Variants in ATP2B2 observed in about 807,000 individuals in gnomAD.
The protein encoded by ATP2B2 is plasma membrane calcium-transporting ATPase 2.
In ATP2B2, 15 loss-of-function variants were observed where a neutral mutation model predicts 120.0. The observed-to-expected ratio is 0.12, with a 90% CI of 0.08 to 0.19. ATP2B2 has a LOEUF of 0.19. Ranked by LOEUF, ATP2B2 falls within the 10% of genes least tolerant of loss-of-function variation. The probability of loss-of-function intolerance (pLI) is 1.00; values close to 1 mark genes in which losing one functional copy is unlikely to be tolerated. For missense variants in ATP2B2, 1,045 were observed against 1,719.8 expected (o/e 0.61, Z 6.94); for synonymous variants, 694 against 700.3 (o/e 0.99, Z 0.14).
Position 10,471,748 on chromosome 3 carries a change from C to G in ATP2B2, c.-319-21886G>C, listed in dbSNP as rs557358386. 2.0e-5 allele frequency among the ~76,000 whole-genome samples: 3 copies of G among 151,976 alleles called. 1 individual carries two copies. In the South Asian group the frequency reaches 6.3e-4, roughly 32 times the overall value. Reference sequence around the variant, plus strand: ...TGTATACATCAAAGCATCATATTGTCCCCCATAAATGTATACAATTATGAT... The same window carrying G: ...TGTATACATCAAAGCATCATATTGTGCCCCATAAATGTATACAATTATGAT... On this transcript the variant is annotated intron_variant, in intron 1 of 22. Coordinates refer to ENST00000360273, the MANE Select transcript of ATP2B2 (RefSeq NM_001001331.4).
chr3:10,530,283 TC>T (rs1345085985), intron 3 of ATP2B2, among the ~76,000 whole-genome samples: 5 of 152,196 alleles, frequency 3.3e-5, no homozygotes, highest in Non-Finnish European at 5.9e-5. Context: ...TATTTTCTCT[TC>T]CATCGAATCC....
Position 10,492,793 on chromosome 3 carries a change from G to T in ATP2B2, c.-320+12672C>A, listed in dbSNP as rs116189244. Among the ~76,000 whole-genome samples, 499 of 152,284 alleles carry T rather than the reference G, an allele frequency of 3.3e-3. 5 individuals are homozygous for T. Among genetic ancestry groups the T allele is most frequent in the East Asian group, 0.032 (163 of 5,166 alleles). On this transcript the variant is annotated intron_variant, in intron 1 of 22. Transcript: ENST00000360273. Reference sequence around the variant, plus strand: ...ATTTCTCTCCTGTCTTGCAGATACCGGGTCAAGTGTGATGGTGAGGGAGGA... The same window carrying T: ...ATTTCTCTCCTGTCTTGCAGATACCTGGTCAAGTGTGATGGTGAGGGAGGA...
At chr3:10,388,879 T>C (rs1411513394) in intron 5 of ATP2B2, among the ~76,000 whole-genome samples, 1 of 152,256 alleles carries the variant, frequency 6.6e-6, no homozygotes, top group East Asian at 1.9e-4. Context: ...AACTGCTTGC[T>C]AGATCTTGTT....
At chr3:10,528,547 G>A (rs2067146799) in intron 3 of ATP2B2, among the ~76,000 whole-genome samples, 1 of 152,160 alleles carries the variant, frequency 6.6e-6, no homozygotes, top group African/African-American at 2.4e-5. Flanking sequence ...AGCATCCTTG[G>A]AGAAGGGGCA....
chr3:10,449,328 A>C lies in ATP2B2; in HGVS notation c.199+17T>G, dbSNP rs771152535. On this transcript the variant is annotated intron_variant, in intron 2 of 22. Transcript: ENST00000360273. ...CCACCTAGGCTGCAGCCCTGGGTTC[A>C]AGTCTTGAACACTTACCTTCAACAG... 1 of 1,614,094 alleles carries C rather than the reference A, an allele frequency of 6.2e-7. No homozygotes were observed.
intron 2 of ATP2B2, among the ~76,000 whole-genome samples, chr3:10,575,348 G>A (rs143488844): frequency 2.0e-5 from 3 of 152,240 alleles, no homozygotes; most frequent in Non-Finnish European, 4.4e-5. Flanking sequence ...GAAAACTAAG[G>A]CCAATGGGGC....
At chr3:10,607,545 G>GAACCT (rs1209846178) in intron 2 of ATP2B2, among the ~76,000 whole-genome samples, 1 of 152,186 alleles carries the variant, frequency 6.6e-6, no homozygotes, top group Non-Finnish European at 1.5e-5. Context: ...CCAGGACACA[G>GAACCT]AACCTTTCTA....
At chr3:10,449,295 G>T (rs748165635) in intron 2 of ATP2B2, 50 bp downstream of exon 2, 2 of 1,597,528 alleles carry the variant, frequency 1.3e-6, no homozygotes, top group Admixed American at 1.7e-5. Flanking sequence ...GGCCAATTCA[G>T]ATGGTGGCCA....
At chr3:10,437,215 C>G (rs1362130627) in intron 2 of ATP2B2, among the ~76,000 whole-genome samples, 2 of 151,216 alleles carry the variant, frequency 1.3e-5, no homozygotes, top group African/African-American at 2.4e-5. Context: ...GCCTCCCTCT[C>G]TGGGCCTCAG....
rs749056818 is a variant in ATP2B2, at chr3:10,512,464, G to GCGCGCGCGCGCACACACACACA, written c.-320+21574_-320+21575insTGTGTGTGTGTGCGCGCGCGCG. 1.3e-4 allele frequency among the ~76,000 whole-genome samples: 18 copies of GCGCGCGCGCGCACACACACACA among 137,016 alleles called. No homozygotes were observed. In the East Asian group the frequency reaches 2.3e-3, roughly 17 times the overall value. The allele number at this position is 137,016 out of a possible 152,430, so 89.9% of individuals were successfully genotyped here. On this transcript the variant is annotated intron_variant, in intron 3 of 21. Coordinates refer to the ATP2B2 transcript ENST00000646379. The stretch of plus-strand genomic sequence containing the variant: ...TATTCCTGGGTGCTAAAGTGTGTGC[G>GCGCGCGCGCGCACACACACACA]CACACACACACACACACACACACAC...
At chr3:10,670,067 A>G (rs901444497) in intron 1 of ATP2B2, among the ~76,000 whole-genome samples, 1 of 152,206 alleles carries the variant, frequency 6.6e-6, no homozygotes, top group Non-Finnish European at 1.5e-5. Flanking sequence ...AGAATTTGAG[A>G]GGCACGTTTG....
intron 1 of ATP2B2, among the ~76,000 whole-genome samples, chr3:10,476,355 C>T (rs1295592804): frequency 6.6e-6 from 1 of 152,184 alleles, no homozygotes; most frequent in Admixed American, 6.5e-5. Flanking sequence ...AAGCCCTCAC[C>T]CCACAAGGAC....
At chr3:10,539,905 A>G (rs535149770) in intron 2 of ATP2B2, among the ~76,000 whole-genome samples, 2 of 152,364 alleles carry the variant, frequency 1.3e-5, no homozygotes, top group East Asian at 3.9e-4. Context: ...GCACAGCAAA[A>G]GAAACTACCA....
chr3:10,595,568 A>T (rs1417760635), intron 2 of ATP2B2, among the ~76,000 whole-genome samples: 2 of 152,234 alleles, frequency 1.3e-5, no homozygotes, highest in Non-Finnish European at 2.9e-5. Context: ...CCAAAGTCAC[A>T]CAGCTAAGAA....
intron 2 of ATP2B2, among the ~76,000 whole-genome samples, chr3:10,549,481 C>T (rs1265621941): frequency 1.1e-4 from 16 of 151,986 alleles, no homozygotes. Flanking sequence ...AATAAGTGCT[C>T]AATGTGTGTT....
At chr3:10,618,555 C>G (rs985188537) in intron 2 of ATP2B2, among the ~76,000 whole-genome samples, 2 of 152,284 alleles carry the variant, frequency 1.3e-5, no homozygotes, top group Non-Finnish European at 1.5e-5. Flanking sequence ...TAGCTCACGG[C>G]AGCAGCAAAA....
At chr3:10,354,038 T>C (rs2060647030) in intron 14 of ATP2B2, among the ~76,000 whole-genome samples, 2 of 152,212 alleles carry the variant, frequency 1.3e-5, no homozygotes, top group South Asian at 2.1e-4. Context: ...CATCCCTTCC[T>C]GCCTTCTTGC....
rs137891890 is a variant in ATP2B2, at chr3:10,395,983, G to A, written c.781+4970C>T. On this transcript the variant is annotated intron_variant, in intron 5 of 22. Transcript: ENST00000360273. ...GACATGGGCTCGTGTCTGCCTGTCCGTCCCTGGAGGGTAGGAAGGTAGGGG... is the reference window on the plus strand; with the variant it reads ...GACATGGGCTCGTGTCTGCCTGTCCATCCCTGGAGGGTAGGAAGGTAGGGG... Among the ~76,000 whole-genome samples, 311 of 152,352 alleles carry A rather than the reference G, an allele frequency of 2.0e-3. 3 individuals are homozygous for A. The highest frequency in any genetic ancestry group is 7.1e-3 in the African/African-American group (297 of 41,578).
rs1288462572 is a variant in ATP2B2 at position 10,346,696 on chromosome 3, T to G, written c.2405-559A>C. ...AATAACAGAATGAACAAATGACATG[T>G]GGCCCCAGTCACTGAGCTGGGGCCA... On this transcript the variant is annotated intron_variant, in intron 16 of 22. Coordinates refer to ENST00000360273, the MANE Select transcript of ATP2B2 (RefSeq NM_001001331.4). This position sits in a 1 kb window ranked among gnomAD's most constrained non-coding sequence, Gnocchi z 4.1. Among the ~76,000 whole-genome samples the G allele has an allele frequency of 6.6e-6, 1 of 152,152 alleles. No individual in the cohort carries two copies. Among genetic ancestry groups the G allele is most frequent in the Non-Finnish European group, 1.5e-5 (1 of 68,028 alleles).
Sources: allele counts gnomAD v4.1 joint callset (sites outside exome capture counted in the v4.1 genomes callset), GRCh38; gene constraint gnomAD v4.1.1; non-coding constraint Gnocchi (gnomAD v3.1); transcripts MANE v1.5; gene names NCBI Gene and HGNC (gene_info 2026-07-23, HGNC 2026-07-21).